The following RYR2 variants were observed in gnomAD, a reference collection of about 807,000 sequenced individuals.
RYR2 encodes the protein cardiac muscle ryanodine receptor-calcium release channel.
Under a neutral mutation model 601.1 loss-of-function variants are expected in RYR2, and 227 were observed. The ratio of observed to expected loss-of-function variants is 0.38; its 90% confidence interval spans 0.34 to 0.42. The LOEUF (loss-of-function observed/expected upper bound fraction) is 0.42. RYR2 is among the 10% of genes least tolerant of loss of function. RYR2 has a pLI of 1.00. For missense variants in RYR2, 4,646 were observed against 6,156.5 expected, an observed-to-expected ratio of 0.75 and a Z score of 8.21; for synonymous variants, 2,223 against 2,175.1, an observed-to-expected ratio of 1.02 and a Z score of -0.61.
At chr1:237,134,380 T>A (rs988584267) in intron 1 of RYR2, among the ~76,000 whole-genome samples, 1 of 152,148 alleles carries the variant, frequency 6.6e-6, no homozygotes, top group Admixed American at 6.5e-5. Flanking sequence ...TGACTCACAG[T>A]TCCACGTGGC....
intron 41 of RYR2, among the ~76,000 whole-genome samples, chr1:237,628,724 T>C (rs887313976): frequency 3.9e-5 from 6 of 152,052 alleles, no homozygotes; most frequent in African/African-American, 1.4e-4. Context: ...TAATGTACAA[T>C]AATATATAAA....
At chr1:237,193,344 G>C (rs942231688) in intron 1 of RYR2, among the ~76,000 whole-genome samples, 3 of 152,116 alleles carry the variant, frequency 2.0e-5, no homozygotes, top group African/African-American at 7.2e-5. Flanking sequence ...GCGGGAGCCT[G>C]TAGTCCCAGC....
intron 25 of RYR2, among the ~76,000 whole-genome samples, chr1:237,537,355 G>T (rs1289175671): frequency 6.6e-6 from 1 of 151,866 alleles, no homozygotes; most frequent in Non-Finnish European, 1.5e-5. Context: ...ATGGAGTCTT[G>T]CTCTGTCACC....
rs539915102 is a variant in RYR2, at chr1:237,492,928, C to T, written c.1828-26C>T. ...GGGAAAGCAGGGAGGGAGGGAGGAT[C>T]AGCTGAAAGTAATTTCTCTTTTCAG... On this transcript the variant is annotated intron_variant, in intron 18 of 104. Coordinates refer to ENST00000366574, the MANE Select transcript of RYR2 (RefSeq NM_001035.3). 5.2e-6 allele frequency: 8 copies of T among 1,535,046 alleles called. No homozygotes were observed. The South Asian group carries it at 8.5e-5, about 16-fold the overall frequency.
chr1:237,055,805 A>G (rs1404377394), intron 1 of RYR2, among the ~76,000 whole-genome samples: 1 of 152,200 alleles, frequency 6.6e-6, no homozygotes, highest in East Asian at 1.9e-4. Flanking sequence ...AATCAAGTGA[A>G]AGTGAGGCCA....
intron 29 of RYR2, among the ~76,000 whole-genome samples, chr1:237,576,253 G>C (rs908422092): frequency 1.3e-5 from 2 of 152,138 alleles, no homozygotes; most frequent in African/African-American, 4.8e-5. Context: ...TATGGAAGTC[G>C]ATGTGATGAC....
intron 54 of RYR2, among the ~76,000 whole-genome samples, chr1:237,659,230 A>G (rs1443917161): frequency 6.6e-6 from 1 of 152,126 alleles, no homozygotes; most frequent in African/African-American, 2.4e-5. Flanking sequence ...GTTGGTTTTG[A>G]TAAGTATCTG....
chr1:237,299,425 A>G (rs535120048), intron 2 of RYR2, among the ~76,000 whole-genome samples: 1 of 152,318 alleles, frequency 6.6e-6, no homozygotes, highest in African/African-American at 2.4e-5. Flanking sequence ...AAGGAATTAT[A>G]CAAAATAAAA....
intron 44 of RYR2, among the ~76,000 whole-genome samples, chr1:237,636,753 T>C (rs1680915553): frequency 1.3e-5 from 2 of 152,216 alleles, no homozygotes; most frequent in Admixed American, 1.3e-4. Flanking sequence ...GCTTTATTCG[T>C]CATAGCCAAA....
chr1:237,256,665 C>T (rs988166575), intron 1 of RYR2, among the ~76,000 whole-genome samples: 2 of 152,156 alleles, frequency 1.3e-5, no homozygotes, highest in African/African-American at 4.8e-5. Flanking sequence ...TTTGTTTTAT[C>T]AAGTACTTTA....
intron 101 of RYR2, among the ~76,000 whole-genome samples, chr1:237,821,244 G>A (rs1190984499): frequency 2.3e-4 from 35 of 152,148 alleles, no homozygotes; most frequent in Admixed American, 2.3e-3. Context: ...ATACCTCCCA[G>A]TAGGGGCCGA....
At chr1:237,780,149 G>GTCTT (rs1250737728) in intron 88 of RYR2, among the ~76,000 whole-genome samples, 3 of 152,184 alleles carry the variant, frequency 2.0e-5, no homozygotes, top group African/African-American at 2.4e-5. Context: ...GTTTGTTCAA[G>GTCTT]TCTTTATAGA....
At chr1:237,548,194 T>C (rs757227360) in intron 25 of RYR2, among the ~76,000 whole-genome samples, 1 of 152,214 alleles carries the variant, frequency 6.6e-6, no homozygotes, top group African/African-American at 2.4e-5. Context: ...ACAGGTAAGT[T>C]GTCTCATTTC....
intron 1 of RYR2, among the ~76,000 whole-genome samples, chr1:237,187,478 C>A: frequency 8.5e-6 from 1 of 117,818 alleles, no homozygotes; most frequent in East Asian, 2.8e-4. Context: ...AAGTCTCACT[C>A]TGTCACTCAG....
At chr1:237,378,722 A>G (rs1701224151) in intron 8 of RYR2, among the ~76,000 whole-genome samples, 1 of 152,222 alleles carries the variant, frequency 6.6e-6, no homozygotes, top group African/African-American at 2.4e-5. Context: ...GAAATAGGGT[A>G]AGTTTGGGGA....
At position 237,148,553 on chromosome 1, in the gene RYR2, T is replaced by TATATATATATATATATAC. The variant is rs71178397; in HGVS notation, c.48+105985_48+105986insTATATATATATATATACA. ...ATATATATATATATATATATATATA[T>TATATATATATATATATAC]ACACACACACATATATATATATATA... is the stretch of plus-strand genomic sequence containing the variant. On this transcript the variant is annotated intron_variant, in intron 1 of 104. Transcript: ENST00000366574. Among the ~76,000 whole-genome samples the TATATATATATATATATAC allele has an allele frequency of 2.1e-3, 216 of 105,318 alleles. 1 individual carries two copies. The highest frequency in any genetic ancestry group is 3.0e-3 in the Non-Finnish European group (162 of 53,448). The allele number at this position is 105,318 out of a possible 152,430, so 69.1% of individuals were successfully genotyped here.
intron 66 of RYR2, among the ~76,000 whole-genome samples, chr1:237,704,812 T>C (rs1688239441): frequency 6.6e-6 from 1 of 152,098 alleles, no homozygotes; most frequent in African/African-American, 2.4e-5. Flanking sequence ...TGGAACTTTT[T>C]CTAAAATATC....
At position 237,395,657 on chromosome 1, in the gene RYR2, C is replaced by T. The variant is rs185901801; in HGVS notation, c.773+7474C>T. Among the ~76,000 whole-genome samples the T allele has an allele frequency of 1.8e-3, 278 of 150,684 alleles. 1 individual carries two copies. The highest frequency in any genetic ancestry group is 6.4e-3 in the African/African-American group (264 of 41,028). ...TGCCTCCCGGGTTCATGCCATTCTC[C>T]TGCCTCATCCTCCCAAGTAGCTGGG... is the stretch of plus-strand genomic sequence containing the variant. On this transcript the variant is annotated intron_variant, in intron 10 of 104. Transcript: ENST00000366574.
chr1:237,265,064 A>G, intron 1 of RYR2, among the ~76,000 whole-genome samples: 1 of 152,170 alleles, frequency 6.6e-6, no homozygotes, highest in East Asian at 1.9e-4. Context: ...GAAGAAACTA[A>G]AAGAGAAAAT....
Sources: gnomAD v4.1 joint callset for allele counts (sites outside exome capture counted in the v4.1 genomes callset) on GRCh38, gnomAD v4.1.1 for gene constraint, MANE v1.5 for transcripts, NCBI Gene and HGNC (gene_info 2026-07-23, HGNC 2026-07-21) for gene names.